Variants in IFT122 observed in about 807,000 individuals in gnomAD.
The protein encoded by IFT122 is intraflagellar transport protein 122 homolog.
A neutral mutation model predicts 161.6 loss-of-function variants in IFT122; 118 were observed. That is an observed-to-expected ratio of 0.73 (90% confidence interval 0.63 to 0.85). The LOEUF (loss-of-function observed/expected upper bound fraction) is 0.85. Ranked by LOEUF, IFT122 falls within the 40% of genes least tolerant of loss-of-function variation. IFT122 has a pLI of 0.00. For synonymous variants in IFT122, 550 were observed against 602.4 expected (o/e 0.91, Z 1.27); for missense variants, 1,381 against 1,579.6 (o/e 0.87, Z 2.13).
At chr3:129,508,541 G>T (rs908348717) in intron 23 of IFT122, among the ~76,000 whole-genome samples, 2 of 152,172 alleles carry the variant, frequency 1.3e-5, no homozygotes, top group African/African-American at 4.8e-5. Flanking sequence ...AAGTAATTGC[G>T]GTTTCAGACT....
At chr3:129,503,047 A>G (rs1189162934) in intron 20 of IFT122, among the ~76,000 whole-genome samples, 165 bp downstream of exon 20, 3 of 152,224 alleles carry the variant, frequency 2.0e-5, no homozygotes, top group African/African-American at 7.2e-5. Context: ...TCTCTGAGCC[A>G]CAGAATCGTG....
intron 1 of IFT122, among the ~76,000 whole-genome samples, chr3:129,440,579 G>A (rs1324668272): frequency 2.6e-5 from 4 of 152,322 alleles, no homozygotes; most frequent in Admixed American, 2.0e-4. Context: ...GGGAGGTGCC[G>A]CGCCTGAGGT....
At chr3:129,463,527 A>G (rs747581544) in intron 5 of IFT122, 33 bp from the exon 6 acceptor site, 6 of 1,586,308 alleles carry the variant, frequency 3.8e-6, no homozygotes, top group South Asian at 3.3e-5. Flanking sequence ...ATTCCAACCA[A>G]TCCATCTTCT....
Position 129,520,343 on chromosome 3 carries a change from C to A in IFT122, c.*78C>A. Reference sequence around the variant, plus strand: ...CTGTGAAGGAGAATAAAGAGTTAAACTGTCAGAATGTGTTTCTTGCCCAGA... The same window carrying A: ...CTGTGAAGGAGAATAAAGAGTTAAAATGTCAGAATGTGTTTCTTGCCCAGA... On this transcript the variant is annotated 3_prime_UTR_variant, in exon 30 of 30. Coordinates refer to ENST00000348417, the MANE Select transcript of IFT122 (RefSeq NM_052989.3). The A allele has an allele frequency of 4.5e-6, 5 of 1,122,724 alleles. No homozygotes were observed. Among genetic ancestry groups the A allele is most frequent in the South Asian group, 3.9e-5 (3 of 76,606 alleles). The allele number at this position is 1,122,724 out of a possible 1,614,324, so 69.5% of individuals were successfully genotyped here.
At chr3:129,451,630 A>G (rs1243657775) in intron 2 of IFT122, among the ~76,000 whole-genome samples, 1 of 152,218 alleles carries the variant, frequency 6.6e-6, no homozygotes, top group Admixed American at 6.5e-5. Flanking sequence ...AAATTCAGGT[A>G]AGGATGAGTA....
chr3:129,474,271 A>G (rs1417551015), intron 9 of IFT122, among the ~76,000 whole-genome samples: 1 of 152,224 alleles, frequency 6.6e-6, no homozygotes, highest in Non-Finnish European at 1.5e-5. Flanking sequence ...AGATTTATAA[A>G]TAGGAAAATA....
intron 25 of IFT122, chr3:129,515,070 C>T: frequency 5.2e-6 from 2 of 382,834 alleles, no homozygotes; most frequent in East Asian, 6.4e-5. Flanking sequence ...GCTCCACCCT[C>T]TCCTAGCTCT....
intron 1 of IFT122, among the ~76,000 whole-genome samples, chr3:129,449,544 C>T (rs1342209022): frequency 6.6e-6 from 1 of 152,186 alleles, no homozygotes. Flanking sequence ...TGGCCCTTAA[C>T]ACATTCTCTC....
intron 9 of IFT122, among the ~76,000 whole-genome samples, chr3:129,469,948 A>G (rs571116822): frequency 3.9e-5 from 6 of 152,316 alleles, no homozygotes; most frequent in African/African-American, 1.4e-4. Flanking sequence ...GGTATGTGAC[A>G]CAATAGAAAG....
intron 23 of IFT122, among the ~76,000 whole-genome samples, chr3:129,509,648 C>T (rs746817333): frequency 3.2e-4 from 48 of 152,142 alleles, no homozygotes; most frequent in Non-Finnish European, 5.9e-4. Context: ...GAGAAATGCC[C>T]GTTGAAATGA....
intron 23 of IFT122, among the ~76,000 whole-genome samples, chr3:129,511,363 C>T (rs1456581334): frequency 6.6e-6 from 1 of 152,186 alleles, no homozygotes; most frequent in Non-Finnish European, 1.5e-5. Context: ...AAATGCTAAG[C>T]TCTGAACTGA....
intron 23 of IFT122, among the ~76,000 whole-genome samples, chr3:129,508,076 C>G (rs2108594195): frequency 6.6e-6 from 1 of 152,298 alleles, no homozygotes; most frequent in South Asian, 2.1e-4. Flanking sequence ...CCATGAGGCC[C>G]TCTCCTTCAG....
At chr3:129,446,703 G>C (rs2074044930) in intron 1 of IFT122, among the ~76,000 whole-genome samples, 1 of 152,072 alleles carries the variant, frequency 6.6e-6, no homozygotes, top group South Asian at 2.1e-4. Context: ...GACCACCTTG[G>C]GCACATGTTC....
intron 13 of IFT122, among the ~76,000 whole-genome samples, chr3:129,481,099 A>T (rs541548656): frequency 1.3e-5 from 2 of 152,306 alleles, no homozygotes; most frequent in African/African-American, 4.8e-5. Flanking sequence ...GATATCAGTA[A>T]ATGATAGCTA....
At chr3:129,466,495 CTTTT>C (rs527470540) in intron 7 of IFT122, among the ~76,000 whole-genome samples, 143 of 102,176 alleles carry the variant, frequency 1.4e-3, no homozygotes, top group African/African-American at 5.0e-3. Flanking sequence ...TATTTTTATT[CTTTT>C]TTTTTTTTTT....
At chr3:129,452,142 TG>T (rs2074929696) in intron 3 of IFT122, 144 bp downstream of exon 3, 1 of 684,248 alleles carries the variant, frequency 1.5e-6, no homozygotes. Flanking sequence ...GACTTCAGTT[TG>T]GTCATTCAAT....
chr3:129,450,952 C>A (rs943868166), intron 2 of IFT122, among the ~76,000 whole-genome samples: 19 of 151,982 alleles, frequency 1.3e-4, no homozygotes, highest in Non-Finnish European at 1.8e-4. Flanking sequence ...GATCTCCTGA[C>A]CTCGTAATCC....
chr3:129,481,913 G>A (rs2078697383), intron 14 of IFT122, among the ~76,000 whole-genome samples: 1 of 152,226 alleles, frequency 6.6e-6, no homozygotes, highest in Non-Finnish European at 1.5e-5. Context: ...TTTAACTTTG[G>A]TTTCCTTGCC....
chr3:129,507,830 A>C, intron 23 of IFT122, 68 bp downstream of exon 23: 1 of 1,167,534 alleles, frequency 8.6e-7, no homozygotes, highest in Non-Finnish European at 1.3e-6. Context: ...GGCATATCTA[A>C]AGAGCAGCAG....
Sources: allele counts gnomAD v4.1 joint callset (sites outside exome capture counted in the v4.1 genomes callset), GRCh38; gene constraint gnomAD v4.1.1; transcripts MANE v1.5; gene names NCBI Gene and HGNC (gene_info 2026-07-23, HGNC 2026-07-21).